The following KCTD16 variants were observed in gnomAD, a reference collection of about 807,000 sequenced individuals.
KCTD16 encodes potassium channel tetramerization domain containing 16, also known as BTB/POZ domain-containing protein KCTD16.
KCTD16 carries 13 observed loss-of-function variants against 33.2 expected under a neutral mutation model. The observed-to-expected ratio is 0.39, with a 90% CI of 0.25 to 0.62. The LOEUF is 0.62. Among genes scored for constraint, KCTD16 ranks in the 20% least tolerant of loss-of-function variants. KCTD16 has a pLI of 0.50. For missense variants in KCTD16, 441 were observed against 525.1 expected (o/e 0.84, Z 1.57); for synonymous variants, 197 against 195.3 (o/e 1.01, Z -0.07).
chr5:144,221,239 A>G lies in KCTD16; in HGVS notation c.832+13693A>G, dbSNP rs758715810. Among the ~76,000 whole-genome samples the G allele has an allele frequency of 2.6e-4, 40 of 152,316 alleles. 1 individual carries two copies. The highest frequency in any genetic ancestry group is 6.8e-3 in the Middle Eastern group (2 of 294). On this transcript the variant is annotated intron_variant, in intron 3 of 3. Transcript: ENST00000512467. ...TCTAGAGAATGTCTTAAGGATGCGT[A>G]ATGAAGAAGAGAGACATTAAATCTG...
chr5:144,186,143 A>G (rs1354881693), intron 2 of KCTD16, among the ~76,000 whole-genome samples: 3 of 152,152 alleles, frequency 2.0e-5, no homozygotes, highest in Non-Finnish European at 4.4e-5. Context: ...TACTTGTCAC[A>G]TATGGAAACT....
intron 3 of KCTD16, among the ~76,000 whole-genome samples, chr5:144,246,223 C>T (rs1754545641): frequency 6.6e-6 from 1 of 152,150 alleles, no homozygotes; most frequent in Non-Finnish European, 1.5e-5. Context: ...TTAATGTGAA[C>T]TCTTCAATCC....
chr5:144,470,873 T>C (rs923371063), intron 3 of KCTD16, among the ~76,000 whole-genome samples: 8 of 152,166 alleles, frequency 5.3e-5, no homozygotes, highest in African/African-American at 1.9e-4. Context: ...ATGATGGTGT[T>C]TGTGTTGTTA....
chr5:144,273,844 A>G (rs539152251), intron 3 of KCTD16, among the ~76,000 whole-genome samples: 2 of 152,120 alleles, frequency 1.3e-5, no homozygotes, highest in African/African-American at 2.4e-5. Context: ...ATTAAGAGTC[A>G]TAGAGATGGA....
At chr5:144,405,173 A>G (rs1459042518) in intron 3 of KCTD16, among the ~76,000 whole-genome samples, 1 of 152,240 alleles carries the variant, frequency 6.6e-6, no homozygotes, top group East Asian at 1.9e-4. Context: ...TCCAAAGGCT[A>G]AGCTTTAAAT....
At chr5:144,309,667 G>A (rs1751707860) in intron 3 of KCTD16, among the ~76,000 whole-genome samples, 1 of 152,062 alleles carries the variant, frequency 6.6e-6, no homozygotes, top group African/African-American at 2.4e-5. Flanking sequence ...CATAACTAGA[G>A]GCTACGTATC....
chr5:144,193,529 T>A lies in KCTD16; in HGVS notation c.-326-12860T>A, dbSNP rs149843277. On this transcript the variant is annotated intron_variant, in intron 2 of 3. Transcript: ENST00000512467. The stretch of plus-strand genomic sequence containing the variant: ...TCTCCTTGCCCCAAACAAGATTTTT[T>A]AAATATTACCTATTCTATTTTATTC... Among the ~76,000 whole-genome samples the A allele has an allele frequency of 5.8e-3, 884 of 152,244 alleles. 10 individuals are homozygous for A. Among genetic ancestry groups the A allele is most frequent in the African/African-American group, 0.02 (850 of 41,536 alleles).
chr5:144,447,509 A>G (rs548936850), intron 3 of KCTD16, among the ~76,000 whole-genome samples: 11 of 152,238 alleles, frequency 7.2e-5, no homozygotes, highest in African/African-American at 2.6e-4. Context: ...ATACCTATGT[A>G]ACAAACCTGC....
intron 3 of KCTD16, among the ~76,000 whole-genome samples, chr5:144,279,086 T>C (rs1406973172): frequency 6.6e-6 from 1 of 152,208 alleles, no homozygotes; most frequent in East Asian, 1.9e-4. Flanking sequence ...AAAGTTGTTT[T>C]CCAATTGGTT....
chr5:144,178,011 G>T (rs1338617021), intron 2 of KCTD16, among the ~76,000 whole-genome samples: 1 of 152,144 alleles, frequency 6.6e-6, no homozygotes, highest in African/African-American at 2.4e-5. Context: ...TAGCAATGGA[G>T]ACTTCAACTG....
At chr5:144,241,761 G>A (rs10061141) in intron 3 of KCTD16, among the ~76,000 whole-genome samples, 6,853 of 152,082 alleles carry the variant, frequency 0.045, 449 homozygotes, top group African/African-American at 0.15. Context: ...GTGGATTAGT[G>A]GCTATGAAAA....
chr5:144,283,602 A>G (rs1755665793), intron 3 of KCTD16, among the ~76,000 whole-genome samples: 1 of 152,226 alleles, frequency 6.6e-6, no homozygotes, highest in African/African-American at 2.4e-5. Flanking sequence ...TGCAACACCC[A>G]AATATTTTCA....
chr5:144,240,292 A>T (rs1042167413), intron 3 of KCTD16, among the ~76,000 whole-genome samples: 1 of 152,126 alleles, frequency 6.6e-6, no homozygotes, highest in African/African-American at 2.4e-5. Context: ...AAACCTCCCG[A>T]TATCTCTTTA....
At chr5:144,283,682 GA>G (rs1467245861) in intron 3 of KCTD16, among the ~76,000 whole-genome samples, 3 of 152,100 alleles carry the variant, frequency 2.0e-5, no homozygotes, top group African/African-American at 7.2e-5. Flanking sequence ...GTGATAACAA[GA>G]ACAAAACAAG....
intron 3 of KCTD16, among the ~76,000 whole-genome samples, chr5:144,442,671 T>A (rs1274548400): frequency 4.0e-5 from 6 of 151,896 alleles, no homozygotes. Context: ...AGCCTCTTCT[T>A]AATCATTCTT....
chr5:144,449,226 A>T (rs1344341387), intron 3 of KCTD16, among the ~76,000 whole-genome samples: 3 of 152,142 alleles, frequency 2.0e-5, no homozygotes, highest in East Asian at 1.9e-4. Context: ...GTACACTAAA[A>T]ACCAGAAAAC....
At chr5:144,190,986 C>T (rs1229403095) in intron 2 of KCTD16, among the ~76,000 whole-genome samples, 1 of 152,232 alleles carries the variant, frequency 6.6e-6, no homozygotes, top group African/African-American at 2.4e-5. Flanking sequence ...GTGAGCCTCA[C>T]TGATTGTCGT....
chr5:144,331,701 G>A (rs1358447567), intron 3 of KCTD16, among the ~76,000 whole-genome samples: 1 of 152,156 alleles, frequency 6.6e-6, no homozygotes, highest in East Asian at 1.9e-4. Context: ...AAGAGTCTGA[G>A]AGAATTCTAA....
At chr5:144,312,681 A>G (rs1751797405) in intron 3 of KCTD16, among the ~76,000 whole-genome samples, 1 of 152,200 alleles carries the variant, frequency 6.6e-6, no homozygotes, top group South Asian at 2.1e-4. Context: ...TCAAATGAGA[A>G]GGTGTCTGCC....
Sources: allele counts gnomAD v4.1 joint callset (sites outside exome capture counted in the v4.1 genomes callset), GRCh38; gene constraint gnomAD v4.1.1; transcripts MANE v1.5; gene names NCBI Gene and HGNC (gene_info 2026-07-23, HGNC 2026-07-21).